Variants in ABLIM2 observed in about 807,000 individuals in gnomAD.
The protein encoded by ABLIM2 is actin-binding LIM protein 2.
In ABLIM2, 53 loss-of-function variants were observed where a neutral mutation model predicts 97.7. That is an observed-to-expected ratio of 0.54 (90% CI 0.44 to 0.68). ABLIM2 has a LOEUF of 0.68. Among genes scored for constraint, ABLIM2 ranks in the 30% least tolerant of loss-of-function variants. The pLI, the probability that ABLIM2 is intolerant of heterozygous loss-of-function variation, is 0.00. For missense variants in ABLIM2, 835 were observed against 867.2 expected (o/e 0.96, Z 0.47); for synonymous variants, 361 against 345.8 (o/e 1.04, Z -0.49).
intron 1 of ABLIM2, among the ~76,000 whole-genome samples, chr4:8,139,023 G>A (rs752011049): frequency 1.4e-4 from 22 of 152,254 alleles, no homozygotes; most frequent in Non-Finnish European, 2.8e-4. Flanking sequence ...ATGGCGAAAC[G>A]CCGTCTCTAA....
rs1428778580 is a variant in ABLIM2 at position 8,095,024 on chromosome 4, CCCCA to C, written c.338+2071_338+2074del. Among the ~76,000 whole-genome samples, 96 of 147,228 alleles carry C rather than the reference CCCCA, an allele frequency of 6.5e-4. No individual in the cohort carries two copies. The East Asian group carries it at 0.017, about 26-fold the overall frequency. On this transcript the variant is annotated intron_variant, in intron 3 of 20. Coordinates refer to ENST00000447017, the MANE Select transcript of ABLIM2 (RefSeq NM_001130083.2). The surrounding 1 kb of genome is among the most constrained non-coding windows in gnomAD (Gnocchi z 4.7). ...TTTCTTTCTTTCTCTCTCTCTCTCCCCCCACTTCTTTCCTTCCTTCCTTCTTTCT... is the reference window on the plus strand; with the variant it reads ...TTTCTTTCTTTCTCTCTCTCTCTCCCCTTCTTTCCTTCCTTCCTTCTTTCT...
chr4:8,137,515 C>G (rs768930209), intron 1 of ABLIM2, among the ~76,000 whole-genome samples: 3 of 152,214 alleles, frequency 2.0e-5, no homozygotes, highest in Non-Finnish European at 4.4e-5. Flanking sequence ...TGCAAAGACA[C>G]AGGGCTGGGG....
chr4:8,093,104 C>T (rs62289380), intron 3 of ABLIM2, among the ~76,000 whole-genome samples: 31,935 of 152,064 alleles, frequency 0.21, 3,933 homozygotes, highest in Non-Finnish European at 0.29. Context: ...CCGGCTCAGC[C>T]TCCCAAAGTG....
chr4:7,980,152 T>C (rs1331532139), intron 20 of ABLIM2, among the ~76,000 whole-genome samples: 1 of 152,132 alleles, frequency 6.6e-6, no homozygotes, highest in African/African-American at 2.4e-5. Context: ...ACCCCCCCTC[T>C]CTGCCAAGGG....
chr4:8,106,375 G>A, intron 2 of ABLIM2, 119 bp downstream of exon 2: 2 of 1,341,798 alleles, frequency 1.5e-6, no homozygotes, highest in Non-Finnish European at 2.1e-6. Flanking sequence ...TTCTGTATCT[G>A]GAGTGTTCTC....
chr4:8,073,512 G>C (rs1463884103), intron 6 of ABLIM2, among the ~76,000 whole-genome samples: 1 of 151,986 alleles, frequency 6.6e-6, no homozygotes, highest in African/African-American at 2.4e-5. Context: ...CTACAGGGTG[G>C]GGTGTGCCAG....
intron 20 of ABLIM2, among the ~76,000 whole-genome samples, chr4:7,979,235 G>A (rs1050737385): frequency 1.3e-5 from 2 of 152,230 alleles, no homozygotes; most frequent in African/African-American, 4.8e-5. Flanking sequence ...TGTGCTATCT[G>A]GCTCTGCGGT....
At chr4:8,052,737 G>A (rs955596473) in intron 8 of ABLIM2, among the ~76,000 whole-genome samples, 4 of 152,234 alleles carry the variant, frequency 2.6e-5, no homozygotes, top group Non-Finnish European at 4.4e-5. Flanking sequence ...TCGCTCAGAC[G>A]GGCCTGCATC....
Position 8,072,859 on chromosome 4 carries a change from C to A in ABLIM2, c.675+4769G>T, listed in dbSNP as rs967256676. Among the ~76,000 whole-genome samples the A allele has an allele frequency of 6.6e-6, 1 of 152,130 alleles. No individual in the cohort carries two copies. Among genetic ancestry groups the A allele is most frequent in the African/African-American group, 2.4e-5 (1 of 41,428 alleles). ...ACCTGAGTGGGGAACGCAGGCCCTG[C>A]AAGGCCCCTGGGGAAGTAGGGAGGG... On this transcript the variant is annotated intron_variant, in intron 6 of 20. Coordinates refer to ENST00000447017, the MANE Select transcript of ABLIM2 (RefSeq NM_001130083.2). This position sits in a 1 kb window ranked among gnomAD's most constrained non-coding sequence, Gnocchi z 5.8.
Position 8,148,517 on chromosome 4 carries a change from C to G in ABLIM2, c.10+10163G>C, listed in dbSNP as rs1852192947. 6.6e-6 allele frequency among the ~76,000 whole-genome samples: 1 copy of G among 152,148 alleles called. No individual in the cohort carries two copies. The highest frequency in any genetic ancestry group is 1.5e-5 in the Non-Finnish European group (1 of 68,018). On this transcript the variant is annotated intron_variant, in intron 1 of 20. Transcript: ENST00000447017. This position sits in a 1 kb window ranked among gnomAD's most constrained non-coding sequence, Gnocchi z 6.7. ...CGGGAGAGTTACCTAATTCCCTGGGCCTCCGTTTGCTCACCTGTGAAGTGG... is the reference window on the plus strand; with the variant it reads ...CGGGAGAGTTACCTAATTCCCTGGGGCTCCGTTTGCTCACCTGTGAAGTGG...
At position 7,986,678 on chromosome 4, in the gene ABLIM2, CT is replaced by C. The variant is rs1450375950; in HGVS notation, c.1681-1786del. ...CTTCAGGGGTATTCACAAAGAATTT[CT>C]TTTTTTTCTTTGAGACAGAGTCTTG... On this transcript the variant is annotated intron_variant, in intron 17 of 20. Coordinates refer to ENST00000447017, the MANE Select transcript of ABLIM2 (RefSeq NM_001130083.2). The surrounding 1 kb of genome is among the most constrained non-coding windows in gnomAD (Gnocchi z 4.3). Among the ~76,000 whole-genome samples the C allele has an allele frequency of 6.6e-6, 1 of 152,040 alleles. No individual in the cohort carries two copies. Among genetic ancestry groups the C allele is most frequent in the African/African-American group, 2.4e-5 (1 of 41,506 alleles).
intron 2 of ABLIM2, among the ~76,000 whole-genome samples, chr4:8,104,501 C>T (rs1836225038): frequency 6.6e-6 from 1 of 152,224 alleles, no homozygotes; most frequent in African/African-American, 2.4e-5. Flanking sequence ...CCAGGTGATT[C>T]TTGGGGCATC....
rs1474588244 is a variant in ABLIM2 at position 8,083,180 on chromosome 4, C to T, written c.455-2378G>A. On this transcript the variant is annotated intron_variant, in intron 4 of 20. Coordinates refer to ENST00000447017, the MANE Select transcript of ABLIM2 (RefSeq NM_001130083.2). This position sits in a 1 kb window ranked among gnomAD's most constrained non-coding sequence, Gnocchi z 4.6. ...GGCTTCTCTGCATGTCAAGGGAGCA[C>T]AGCACATGGGGCTGTGTGTCGACCA... Among the ~76,000 whole-genome samples the T allele has an allele frequency of 6.6e-6, 1 of 152,156 alleles. No homozygotes were observed. Among genetic ancestry groups the T allele is most frequent in the Non-Finnish European group, 1.5e-5 (1 of 68,032 alleles).
intron 20 of ABLIM2, among the ~76,000 whole-genome samples, chr4:7,976,828 TAC>T (rs1402245023): frequency 5.3e-5 from 8 of 151,464 alleles, no homozygotes; most frequent in Non-Finnish European, 1.0e-4. Context: ...TAGACGCACA[TAC>T]ACACATGCAC....
chr4:8,106,697 C>G, intron 1 of ABLIM2, 60 bp from the exon 2 acceptor site: 2 of 1,540,728 alleles, frequency 1.3e-6, no homozygotes, highest in Non-Finnish European at 1.7e-6. Context: ...CAAAGGTGAG[C>G]AAAGCAGGCG....
At position 8,002,645 on chromosome 4, in the gene ABLIM2, C is replaced by T. The variant is rs1409270314; in HGVS notation, c.1618+5414G>A. Among the ~76,000 whole-genome samples, 4 of 152,148 alleles carry T rather than the reference C, an allele frequency of 2.6e-5. No homozygotes were observed. The highest frequency in any genetic ancestry group is 4.4e-5 in the Non-Finnish European group (3 of 68,022). On this transcript the variant is annotated intron_variant, in intron 16 of 20. Transcript: ENST00000447017. The surrounding 1 kb of genome is among the most constrained non-coding windows in gnomAD (Gnocchi z 6.1). ...CCCAGCTCCGCCACCCTCACCGTCT[C>T]GGTTTCCCAAGGCCGCCCTGCTCCT... is the stretch of plus-strand genomic sequence containing the variant.
Position 8,072,126 on chromosome 4 carries a change from T to C in ABLIM2, c.675+5502A>G. 1 of 934,552 alleles carries C rather than the reference T, an allele frequency of 1.1e-6. No individual in the cohort carries two copies. The highest frequency in any genetic ancestry group is 1.8e-5 in the African/African-American group (1 of 56,144). The allele number at this position is 934,552 out of a possible 1,614,324, so 57.9% of individuals were successfully genotyped here. ...GAGGCGAAAACAAAAGCATTAATCTTCCCCAGGAGGCCCTTTCTCCTCCAC... is the reference window on the plus strand; with the variant it reads ...GAGGCGAAAACAAAAGCATTAATCTCCCCCAGGAGGCCCTTTCTCCTCCAC... On this transcript the variant is annotated intron_variant, in intron 6 of 20. Transcript: ENST00000447017. This position sits in a 1 kb window ranked among gnomAD's most constrained non-coding sequence, Gnocchi z 5.8.
intron 8 of ABLIM2, among the ~76,000 whole-genome samples, chr4:8,049,494 G>A (rs1288645359): frequency 1.3e-5 from 2 of 152,200 alleles, no homozygotes; most frequent in African/African-American, 4.8e-5. Flanking sequence ...TTCAGGCCAT[G>A]ATGGGAAGCG....
chr4:8,017,145 T>A (rs567698270), intron 14 of ABLIM2, among the ~76,000 whole-genome samples: 84 of 152,290 alleles, frequency 5.5e-4, no homozygotes, highest in African/African-American at 1.9e-3. Flanking sequence ...CTTGAGTAGA[T>A]GACATGCTGG....
Sources: allele counts gnomAD v4.1 joint callset (sites outside exome capture counted in the v4.1 genomes callset), GRCh38; gene constraint gnomAD v4.1.1; non-coding constraint Gnocchi (gnomAD v3.1); transcripts MANE v1.5; gene names NCBI Gene and HGNC (gene_info 2026-07-23, HGNC 2026-07-21).